DOCK8: variants seen among roughly 807,000 people sequenced by gnomAD.
DOCK8 encodes the protein dedicator of cytokinesis 8.
In DOCK8, 141 loss-of-function variants were observed where a neutral mutation model predicts 245.6. The ratio of observed to expected loss-of-function variants is 0.57; its 90% CI spans 0.50 to 0.66. The LOEUF (loss-of-function observed/expected upper bound fraction) is 0.66, where lower values mean the gene tolerates loss of function less well. DOCK8 is among the 30% of genes least tolerant of loss of function. The pLI, the probability that DOCK8 is intolerant of heterozygous loss-of-function variation, is 0.00. For synonymous variants in DOCK8, 1,168 were observed against 970.2 expected, an observed-to-expected ratio of 1.20 and a Z score of -3.79; for missense variants, 2,965 against 2,603.4, an observed-to-expected ratio of 1.14 and a Z score of -3.02.
rs533862267 is a variant in DOCK8, at chr9:453,368, T to G, written c.6068+1251T>G. 9.3e-5 allele frequency among the ~76,000 whole-genome samples: 14 copies of G among 151,342 alleles called. No homozygotes were observed. The South Asian group carries it at 2.7e-3, about 29-fold the overall frequency. On this transcript the variant is annotated intron_variant, in intron 46 of 47. Coordinates refer to ENST00000432829, the MANE Select transcript of DOCK8 (RefSeq NM_203447.4). Reference sequence around the variant, plus strand: ...AGAAAAACTAGTTGTTGTTGTTGTTTTTTCAGTACATAATACGTATCTTTT... The same window carrying G: ...AGAAAAACTAGTTGTTGTTGTTGTTGTTTCAGTACATAATACGTATCTTTT...
At chr9:456,358 G>T (rs1009928425) in intron 46 of DOCK8, 2 of 152,182 alleles carry the variant, frequency 1.3e-5, no homozygotes, top group African/African-American at 4.8e-5. Flanking sequence ...CAGAGGTGAC[G>T]CAGAAGTGGA....
chr9:293,163 C>T (rs551295782), intron 4 of DOCK8, among the ~76,000 whole-genome samples: 23 of 152,286 alleles, frequency 1.5e-4, no homozygotes, highest in African/African-American at 5.1e-4. Flanking sequence ...AACTCATTGT[C>T]AGTTTCTGGC....
At chr9:294,654 G>T (rs969051916) in intron 4 of DOCK8, among the ~76,000 whole-genome samples, 1 of 152,166 alleles carries the variant, frequency 6.6e-6, no homozygotes, top group Admixed American at 6.5e-5. Context: ...CAGCAGTTTA[G>T]CAGTTTTATT....
intron 41 of DOCK8, 89 bp from the exon 42 acceptor site, chr9:441,786 T>G: frequency 6.5e-7 from 1 of 1,545,468 alleles, no homozygotes; most frequent in Non-Finnish European, 8.9e-7. Context: ...AATGCTTTGT[T>G]AACACAATGA....
chr9:403,915 T>TAGTTTAAAAA (rs1431314560), intron 26 of DOCK8, among the ~76,000 whole-genome samples: 2 of 81,266 alleles, frequency 2.5e-5, no homozygotes, highest in Non-Finnish European at 2.1e-5. Context: ...TATATATATA[T>TAGTTTAAAAA]ACATATATAT....
At chr9:425,219 T>C (rs925119946) in intron 33 of DOCK8, among the ~76,000 whole-genome samples, 14 of 152,100 alleles carry the variant, frequency 9.2e-5, no homozygotes, top group Non-Finnish European at 1.6e-4. Context: ...AAAACTAAAC[T>C]AGCAGTCAAT....
intron 28 of DOCK8, among the ~76,000 whole-genome samples, chr9:413,944 C>T (rs1191166543): frequency 6.6e-6 from 1 of 152,140 alleles, no homozygotes; most frequent in Non-Finnish European, 1.5e-5. Context: ...GAGTTCGAGA[C>T]CAGCCTGGCC....
chr9:379,895 C>T lies in DOCK8; in HGVS notation c.2565C>T (p.Val855=). ...TGCTGGCTTCCTACGTGCACTACGTCTTCCGCCTGCCAGAGGTGCAAAGGG... is the reference window on the plus strand; with the variant it reads ...TGCTGGCTTCCTACGTGCACTACGTTTTCCGCCTGCCAGAGGTGCAAAGGG... The part of the protein sequence containing the change: ...NCLLASYVHY[V]FRLPEVQRDV... The change falls in exon 21 of 48, where the codon GTC becomes GTT. Residue 855 remains valine, a synonymous_variant. Transcript: ENST00000432829. 6.2e-7 allele frequency: 1 copy of T among 1,614,192 alleles called. No homozygotes were observed.
intron 22 of DOCK8, among the ~76,000 whole-genome samples, chr9:385,360 G>T (rs1278287680): frequency 6.6e-6 from 1 of 151,730 alleles, no homozygotes; most frequent in African/African-American, 2.4e-5. Flanking sequence ...TAAGAGAAAT[G>T]CAATGAAAGT....
At position 420,936 on chromosome 9, in the gene DOCK8, C is replaced by G; in HGVS notation, c.4024-13C>G. 1.2e-6 allele frequency: 2 copies of G among 1,614,206 alleles called. No homozygotes were observed. The highest frequency in any genetic ancestry group is 1.7e-5 in the Admixed American group (1 of 60,028). The stretch of plus-strand genomic sequence containing the variant: ...CACCAAAGGACATGTCCTCCTACCT[C>G]TGTCTTGTCCAGGGAAAACAGAGTT... On this transcript the variant is annotated splice_polypyrimidine_tract_variant and intron_variant, in intron 31 of 47. Transcript: ENST00000432829.
At chr9:392,416 G>GGGTCCCAAAGCAT (rs533639053) in intron 24 of DOCK8, among the ~76,000 whole-genome samples, 2 of 152,162 alleles carry the variant, frequency 1.3e-5, no homozygotes, top group Admixed American at 6.5e-5. Context: ...GTTTTGAGAA[G>GGGTCCCAAAGCAT]GGTCCCAAAG....
chr9:421,641 T>G (rs1183815994), intron 32 of DOCK8, among the ~76,000 whole-genome samples: 2 of 152,146 alleles, frequency 1.3e-5, no homozygotes, highest in Non-Finnish European at 2.9e-5. Context: ...ATGCTCAAAG[T>G]AAAACAGAGT....
At chr9:438,912 T>A (rs1054930432) in intron 39 of DOCK8, among the ~76,000 whole-genome samples, 1 of 152,222 alleles carries the variant, frequency 6.6e-6, no homozygotes, top group African/African-American at 2.4e-5. Context: ...AATTGGGTCT[T>A]TGCCTTTTGA....
chr9:259,327 C>T (rs2047861036), intron 1 of DOCK8, among the ~76,000 whole-genome samples: 1 of 152,046 alleles, frequency 6.6e-6, no homozygotes. Flanking sequence ...TTCTATTTTC[C>T]CACCTCTCTA....
intron 33 of DOCK8, among the ~76,000 whole-genome samples, 173 bp downstream of exon 33, chr9:422,308 T>C (rs900246324): frequency 2.0e-4 from 31 of 151,898 alleles, no homozygotes; most frequent in African/African-American, 7.3e-4. Context: ...GTATAGGGAG[T>C]TGTGGTTTCC....
intron 22 of DOCK8, among the ~76,000 whole-genome samples, chr9:385,558 A>G (rs995261090): frequency 3.9e-5 from 6 of 152,228 alleles, no homozygotes; most frequent in Non-Finnish European, 7.3e-5. Flanking sequence ...GAAATATTAT[A>G]TAATGGTTTG....
At chr9:343,715 G>A (rs1158314767) in intron 14 of DOCK8, among the ~76,000 whole-genome samples, 7 of 152,080 alleles carry the variant, frequency 4.6e-5, no homozygotes, top group Non-Finnish European at 8.8e-5. Context: ...CAGTAGTTTC[G>A]ATTCTCTATT....
At chr9:230,100 T>C (rs1476713015) in intron 1 of DOCK8, among the ~76,000 whole-genome samples, 1 of 134,018 alleles carries the variant, frequency 7.5e-6, no homozygotes, top group Non-Finnish European at 1.5e-5. Flanking sequence ...TTCCCCTTCC[T>C]GTGTCCATGT....
chr9:230,459 C>T (rs1357942180), intron 1 of DOCK8, among the ~76,000 whole-genome samples: 3 of 151,996 alleles, frequency 2.0e-5, no homozygotes, highest in African/African-American at 7.3e-5. Context: ...AGTTCTAGAT[C>T]CCTGAGGAAT....
Sources: allele counts gnomAD v4.1 joint callset (sites outside exome capture counted in the v4.1 genomes callset), GRCh38; gene constraint gnomAD v4.1.1; transcripts MANE v1.5; gene names NCBI Gene and HGNC (gene_info 2026-07-23, HGNC 2026-07-21).